Variants in MSRB1 observed in about 807,000 individuals in gnomAD.
MSRB1 encodes the protein methionine sulfoxide reductase B1.
MSRB1 carries 13 observed loss-of-function variants against 15.2 expected under a neutral mutation model. That is an observed-to-expected ratio of 0.86 (90% CI 0.56 to 1.36). The LOEUF (loss-of-function observed/expected upper bound fraction) is 1.36. Among genes scored for constraint, MSRB1 ranks in the 40% most tolerant of loss-of-function variants. The pLI, the probability that MSRB1 is intolerant of heterozygous loss-of-function variation, is 0.00. For synonymous variants in MSRB1, 68 were observed against 64.5 expected (o/e 1.05, Z -0.26); for missense variants, 174 against 155.9 (o/e 1.12, Z -0.62).
rs780071439 is a variant in MSRB1, at chr16:1,940,797, C to T, written c.300G>A (p.Ser100=). The change falls in exon 3 of 4, where the codon TCG becomes TCA. Residue 100 remains serine (S), a synonymous_variant. Transcript: ENST00000361871. ...GCTCACCTTTAGGGACAAACTTCAG[C>T]GAGCTGCTGAATATTCAGAATCGGG... is the stretch of plus-strand genomic sequence containing the variant. The part of the protein sequence containing the change: ...GQSRFUIFSS[S]LKFVPKGKET... The T allele has an allele frequency of 4.3e-6, 7 of 1,613,580 alleles. No homozygotes were observed. The highest frequency in any genetic ancestry group is 2.2e-5 in the East Asian group (1 of 44,842).
chr16:1,939,423 C>T (rs374211325), intron 3 of MSRB1, among the ~76,000 whole-genome samples: 9 of 152,218 alleles, frequency 5.9e-5, no homozygotes, highest in Admixed American at 2.6e-4. Flanking sequence ...TCCACTCACA[C>T]GGAGGACAAA....
intron 2 of MSRB1, 62 bp from the exon 3 acceptor site, chr16:1,940,954 C>G: frequency 1.2e-6 from 2 of 1,608,058 alleles, no homozygotes; most frequent in South Asian, 1.1e-5. Flanking sequence ...AGTGAAGGCC[C>G]TTACTGGGGC....
chr16:1,943,042 C>A, intron 1 of MSRB1, 60 bp downstream of exon 1: 2 of 1,542,454 alleles, frequency 1.3e-6, no homozygotes, highest in Non-Finnish European at 1.8e-6. Context: ...GACGGCGGCG[C>A]CCCCGCTAAT....
chr16:1,941,069 C>T (rs2083073814), intron 2 of MSRB1, 177 bp from the exon 3 acceptor site: 2 of 1,551,326 alleles, frequency 1.3e-6, no homozygotes, highest in Non-Finnish European at 1.7e-6. Context: ...TCCTGTTTCC[C>T]ACATTTGCAC....
Position 1,939,124 on chromosome 16 carries a change from G to C in MSRB1, c.339C>G (p.Ser113=), listed in dbSNP as rs2974864. Residue 113 remains serine (S), a synonymous_variant, in exon 4 of 4, where the codon TCC becomes TCG. Transcript: ENST00000361871. ...FVPKGKETSA[S]QGH Reference sequence around the variant, plus strand: ...GTGGGCTGCCCGCCTAGTGACCCTGGGAGGCAGAAGTTTCTTTGCCTGAAA... The same window carrying C: ...GTGGGCTGCCCGCCTAGTGACCCTGCGAGGCAGAAGTTTCTTTGCCTGAAA... 1 of 1,609,840 alleles carries C rather than the reference G, an allele frequency of 6.2e-7. No individual in the cohort carries two copies. The highest frequency in any genetic ancestry group is 1.3e-5 in the African/African-American group (1 of 74,662).
rs2083059714 is a variant in MSRB1 at position 1,939,238 on chromosome 16, G to A, written c.320-95C>T. 4 of 1,378,268 alleles carry A rather than the reference G, an allele frequency of 2.9e-6. No individual in the cohort carries two copies. The South Asian group carries it at 5.4e-5, about 19-fold the overall frequency. 85.4% of individuals were successfully genotyped at this position (1,378,268 alleles called of 1,614,324 possible). On this transcript the variant is annotated intron_variant, in intron 3 of 3. Transcript: ENST00000361871. ...GGGGGCGGTGGAAAGCCAGGGTAGGGGCAGAAAGCAAGTCACTGCAAGGCA... is the reference window on the plus strand; with the variant it reads ...GGGGGCGGTGGAAAGCCAGGGTAGGAGCAGAAAGCAAGTCACTGCAAGGCA...
intron 2 of MSRB1, 121 bp from the exon 3 acceptor site, chr16:1,941,013 G>A (rs111845910): frequency 0.061 from 94,532 of 1,557,634 alleles, 3,340 homozygotes; most frequent in Non-Finnish European, 0.071. Flanking sequence ...GCTGACCGCC[G>A]ACATAAGAGG....
chr16:1,938,981 G>A lies in MSRB1; in HGVS notation c.*131C>T. The A allele has an allele frequency of 8.5e-7, 1 of 1,179,774 alleles. No homozygotes were observed. The allele number at this position is 1,179,774 out of a possible 1,614,324, so 73.1% of individuals were successfully genotyped here. A position where few individuals can be genotyped will look rare whatever the true frequency, so the allele number is the denominator to read the frequency against. Reference sequence around the variant, plus strand: ...GGTCTTGTTCAGAGCCGGGGCCTTGGGAGTGTCCTGATGTTTCAACCACTG... The same window carrying A: ...GGTCTTGTTCAGAGCCGGGGCCTTGAGAGTGTCCTGATGTTTCAACCACTG... On this transcript the variant is annotated 3_prime_UTR_variant, in exon 4 of 4. Transcript: ENST00000361871.
At chr16:1,940,295 G>A (rs1442375065) in intron 3 of MSRB1, among the ~76,000 whole-genome samples, 1 of 151,978 alleles carries the variant, frequency 6.6e-6, no homozygotes, top group African/African-American at 2.4e-5. Context: ...AAAGGATGAG[G>A]ATTCATCAAG....
intron 2 of MSRB1, 123 bp downstream of exon 2, chr16:1,941,134 C>T (rs1426950738): frequency 6.4e-7 from 1 of 1,553,922 alleles, no homozygotes. Context: ...GCAGAGGCAA[C>T]AGGCCTGGAA....
At chr16:1,939,298 C>G (rs1241480384) in intron 3 of MSRB1, among the ~76,000 whole-genome samples, 155 bp from the exon 4 acceptor site, 2 of 152,084 alleles carry the variant, frequency 1.3e-5, no homozygotes, top group Non-Finnish European at 2.9e-5. Context: ...CTTTCACACT[C>G]TGCCCTGGCC....
intron 1 of MSRB1, among the ~76,000 whole-genome samples, chr16:1,942,495 G>A (rs1035011682): frequency 5.3e-5 from 8 of 152,262 alleles, no homozygotes; most frequent in African/African-American, 1.2e-4. Flanking sequence ...CAAACTTCAC[G>A]GGCTGTTGGC....
intron 3 of MSRB1, 60 bp downstream of exon 3, chr16:1,940,718 C>T (rs1470061006): frequency 2.6e-6 from 4 of 1,546,276 alleles, no homozygotes; most frequent in Non-Finnish European, 3.5e-6. Context: ...AAACACTGGG[C>T]CCCCCAGCCT....
chr16:1,942,669 G>A (rs778645681), intron 1 of MSRB1, among the ~76,000 whole-genome samples: 2 of 152,268 alleles, frequency 1.3e-5, no homozygotes, highest in African/African-American at 4.8e-5. Flanking sequence ...TAACACCTGC[G>A]GGATGACCCG....
intron 1 of MSRB1, 136 bp downstream of exon 1, chr16:1,942,966 G>T: frequency 8.0e-7 from 1 of 1,250,526 alleles, no homozygotes; most frequent in Non-Finnish European, 1.1e-6. Flanking sequence ...TTTGACCCCT[G>T]TTCGCTTCTC....
chr16:1,940,845 G>C lies in MSRB1; in HGVS notation c.252C>G (p.Asn84Lys), dbSNP rs368229562. 3.7e-6 allele frequency: 6 copies of C among 1,614,016 alleles called. No individual in the cohort carries two copies. The highest frequency in any genetic ancestry group is 5.1e-6 in the Non-Finnish European group (6 of 1,180,058). Residue 84 changes from asparagine (N) to lysine (K), a missense_variant, in exon 3 of 4, where the codon AAC becomes AAG. Coordinates refer to ENST00000361871, the MANE Select transcript of MSRB1 (RefSeq NM_016332.4). Reference sequence around the variant, plus strand: ...GGGACTGCCCCGGCTTGGGGCCGTCGTTCAGGAACTCGTGGCCCAACCCAT... The same window carrying C: ...GGGACTGCCCCGGCTTGGGGCCGTCCTTCAGGAACTCGTGGCCCAACCCAT... Reference protein sequence around the residue: ...CGNGLGHEFLNDGPKPGQSRF... With the variant: ...CGNGLGHEFLKDGPKPGQSRF...
At chr16:1,942,930 C>A (rs1179837958) in intron 1 of MSRB1, among the ~76,000 whole-genome samples, 172 bp downstream of exon 1, 3 of 152,132 alleles carry the variant, frequency 2.0e-5, no homozygotes, top group Non-Finnish European at 2.9e-5. Flanking sequence ...TCCTCGCCCC[C>A]AGGCTCCCCA....
Position 1,942,647 on chromosome 16 carries a change from G to T in MSRB1, c.55+455C>A, listed in dbSNP as rs111301668. On this transcript the variant is annotated intron_variant, in intron 1 of 3. Transcript: ENST00000361871. ...AGAGATCCCGGACTCGGGGGAATGG[G>T]AAGGGCCAGGGTAACACCTGCGGGA... Among the ~76,000 whole-genome samples, 433 of 152,392 alleles carry T rather than the reference G, an allele frequency of 2.8e-3. 2 individuals are homozygous for T. Among genetic ancestry groups the T allele is most frequent in the African/African-American group, 0.01 (417 of 41,604 alleles).
chr16:1,939,551 C>G (rs1224788948), intron 3 of MSRB1, among the ~76,000 whole-genome samples: 4 of 152,230 alleles, frequency 2.6e-5, no homozygotes, highest in Non-Finnish European at 5.9e-5. Flanking sequence ...AGCCCCATTT[C>G]AGGCGAGGCA....
Sources: allele counts gnomAD v4.1 joint callset (sites outside exome capture counted in the v4.1 genomes callset), GRCh38; gene constraint gnomAD v4.1.1; transcripts MANE v1.5; gene names NCBI Gene and HGNC (gene_info 2026-07-23, HGNC 2026-07-21).